GNA14: variants seen among roughly 807,000 people sequenced by gnomAD.
The protein encoded by GNA14 is guanine nucleotide-binding protein subunit alpha-14.
Under a neutral mutation model 42.0 loss-of-function variants are expected in GNA14, and 50 were observed. That is an observed-to-expected ratio of 1.19 (90% CI 0.95 to 1.51). The LOEUF (loss-of-function observed/expected upper bound fraction) is 1.51, where lower values mean the gene tolerates loss of function less well. GNA14 is among the 40% of genes most tolerant of loss of function. GNA14 has a pLI of 0.00. For missense variants in GNA14, 473 were observed against 446.2 expected (o/e 1.06, Z -0.54); for synonymous variants, 173 against 163.1 (o/e 1.06, Z -0.46).
intron 1 of GNA14, among the ~76,000 whole-genome samples, chr9:77,644,188 G>C (rs780929894): frequency 6.6e-6 from 1 of 152,096 alleles, no homozygotes; most frequent in Non-Finnish European, 1.5e-5. Flanking sequence ...GAAGTGGCAC[G>C]ACACAGTGGC....
At chr9:77,606,652 G>C (rs961999920) in intron 1 of GNA14, among the ~76,000 whole-genome samples, 1 of 152,196 alleles carries the variant, frequency 6.6e-6, no homozygotes. Flanking sequence ...GGGTTGTAAA[G>C]GGTTTCCTTA....
At chr9:77,580,609 GC>G in intron 1 of GNA14, 1 of 460,012 alleles carries the variant, frequency 2.2e-6, no homozygotes. Flanking sequence ...GTTCAGGCTT[GC>G]CCTGCTCACT....
chr9:77,525,701 G>A (rs1837423657), intron 2 of GNA14, among the ~76,000 whole-genome samples: 1 of 151,728 alleles, frequency 6.6e-6, no homozygotes. Context: ...AACACGCCCG[G>A]CTAATTTTTT....
At chr9:77,608,622 T>G (rs1207987473) in intron 1 of GNA14, among the ~76,000 whole-genome samples, 1 of 151,848 alleles carries the variant, frequency 6.6e-6, no homozygotes, top group African/African-American at 2.4e-5. Context: ...GCTCTGATGC[T>G]CTCCAAATTG....
chr9:77,643,747 A>G (rs1227097334), intron 1 of GNA14, among the ~76,000 whole-genome samples: 1 of 152,170 alleles, frequency 6.6e-6, no homozygotes, highest in East Asian at 1.9e-4. Context: ...ACTAAGGGAA[A>G]CTCAAAGTAA....
chr9:77,508,100 G>A (rs534067798), intron 2 of GNA14, among the ~76,000 whole-genome samples: 1 of 152,184 alleles, frequency 6.6e-6, no homozygotes, highest in African/African-American at 2.4e-5. Flanking sequence ...CCGCTTCCCT[G>A]CTCTCTCTCA....
chr9:77,476,337 T>C (rs1056439818), intron 2 of GNA14, among the ~76,000 whole-genome samples: 1 of 152,016 alleles, frequency 6.6e-6, no homozygotes, highest in African/African-American at 2.4e-5. Flanking sequence ...CTCTAGGTAA[T>C]GAGGGGGAGG....
intron 2 of GNA14, among the ~76,000 whole-genome samples, chr9:77,465,754 T>C (rs772831799): frequency 2.0e-5 from 3 of 152,062 alleles, no homozygotes; most frequent in Non-Finnish European, 4.4e-5. Context: ...CACGGGTGCA[T>C]GCCACCACAC....
chr9:77,647,834 G>A lies in GNA14; in HGVS notation c.-41C>T. ...GTACCCGACGGGGCGACGCGGCCCC[G>A]GGCACCCGAATCCTCGGCCCGGCCG... On this transcript the variant is annotated 5_prime_UTR_variant, in exon 1 of 7. Coordinates refer to ENST00000341700, the MANE Select transcript of GNA14 (RefSeq NM_004297.4). 1.3e-6 allele frequency: 2 copies of A among 1,587,432 alleles called. No homozygotes were observed. Among genetic ancestry groups the A allele is most frequent in the South Asian group, 2.3e-5 (2 of 88,452 alleles).
At chr9:77,639,970 T>C (rs749361497) in intron 1 of GNA14, among the ~76,000 whole-genome samples, 29 of 152,244 alleles carry the variant, frequency 1.9e-4, no homozygotes, top group Non-Finnish European at 3.7e-4. Flanking sequence ...CTAACAGTAG[T>C]TGTAGCTGTG....
intron 2 of GNA14, among the ~76,000 whole-genome samples, chr9:77,503,748 A>C (rs1837012720): frequency 6.7e-6 from 1 of 148,712 alleles, no homozygotes; most frequent in Admixed American, 6.8e-5. Flanking sequence ...GCCTCCACCC[A>C]CCGAGTTCAA....
intron 1 of GNA14, among the ~76,000 whole-genome samples, chr9:77,582,065 T>G (rs997832589): frequency 1.3e-5 from 2 of 152,220 alleles, no homozygotes; most frequent in Non-Finnish European, 2.9e-5. Flanking sequence ...ACAAATTATT[T>G]TTTCTCCATT....
intron 1 of GNA14, among the ~76,000 whole-genome samples, chr9:77,535,626 C>A (rs780650573): frequency 7.2e-5 from 11 of 152,156 alleles, no homozygotes; most frequent in Non-Finnish European, 1.2e-4. Flanking sequence ...CCAAATGACT[C>A]CCTACCTAAG....
chr9:77,479,269 T>A (rs183720983), intron 2 of GNA14, among the ~76,000 whole-genome samples: 1 of 152,374 alleles, frequency 6.6e-6, no homozygotes, highest in Non-Finnish European at 1.5e-5. Context: ...GCACCATTTG[T>A]TAAACAGGAA....
At chr9:77,449,706 A>G (rs1835874032) in intron 2 of GNA14, among the ~76,000 whole-genome samples, 1 of 152,180 alleles carries the variant, frequency 6.6e-6, no homozygotes, top group Non-Finnish European at 1.5e-5. Context: ...TCCCTGTCAA[A>G]CAGGTTTCAT....
chr9:77,499,458 T>C (rs1836928966), intron 2 of GNA14, among the ~76,000 whole-genome samples: 1 of 152,080 alleles, frequency 6.6e-6, no homozygotes, highest in Non-Finnish European at 1.5e-5. Flanking sequence ...CTACATTGTG[T>C]ACATCTTAGC....
At chr9:77,542,695 C>T (rs1032308031) in intron 1 of GNA14, among the ~76,000 whole-genome samples, 1 of 152,150 alleles carries the variant, frequency 6.6e-6, no homozygotes, top group African/African-American at 2.4e-5. Context: ...AGTGCCAGTC[C>T]CCTGGCCTTC....
chr9:77,524,150 A>T (rs1837400182), intron 2 of GNA14, among the ~76,000 whole-genome samples: 2 of 152,262 alleles, frequency 1.3e-5, no homozygotes, highest in Admixed American at 6.5e-5. Context: ...GTTTATCAAC[A>T]GAGTGAGCAA....
intron 1 of GNA14, among the ~76,000 whole-genome samples, chr9:77,596,252 A>G (rs1189412553): frequency 6.6e-6 from 1 of 151,154 alleles, no homozygotes; most frequent in Non-Finnish European, 1.5e-5. Context: ...TAACAAAAAG[A>G]TATAATTTTC....
Sources: allele counts gnomAD v4.1 joint callset (sites outside exome capture counted in the v4.1 genomes callset), GRCh38; gene constraint gnomAD v4.1.1; transcripts MANE v1.5; gene names NCBI Gene and HGNC (gene_info 2026-07-23, HGNC 2026-07-21).